GREB1L: variants seen among roughly 807,000 people sequenced by gnomAD.
GREB1L encodes the protein GREB1 like retinoic acid receptor coactivator, also known as GREB1-like protein.
A neutral mutation model predicts 200.8 loss-of-function variants in GREB1L; 17 were observed. The ratio of observed to expected loss-of-function variants is 0.08; its 90% CI spans 0.06 to 0.13. GREB1L has a LOEUF of 0.13. GREB1L is among the 10% of genes least tolerant of loss of function. GREB1L has a pLI of 1.00. For missense variants in GREB1L, 1,657 were observed against 2,367.7 expected, an observed-to-expected ratio of 0.70 and a Z score of 6.23; for synonymous variants, 789 against 893.0, an observed-to-expected ratio of 0.88 and a Z score of 2.08.
intron 18 of GREB1L, among the ~76,000 whole-genome samples, chr18:21,489,134 A>G (rs1238119953): frequency 6.6e-6 from 1 of 152,098 alleles, no homozygotes; most frequent in Non-Finnish European, 1.5e-5. Flanking sequence ...GTAGCACCAA[A>G]AGGAGAGATT....
intron 19 of GREB1L, among the ~76,000 whole-genome samples, chr18:21,491,745 ATCT>A (rs1380134188): frequency 3.9e-5 from 6 of 152,026 alleles, no homozygotes; most frequent in African/African-American, 1.2e-4. Context: ...GGAGATGTAA[ATCT>A]TCTTCTTGTG....
chr18:21,412,841 AC>A (rs34773407), intron 7 of GREB1L, among the ~76,000 whole-genome samples: 3,300 of 145,910 alleles, frequency 0.023, 98 homozygotes, highest in African/African-American at 0.067. Context: ...TGGATTTACC[AC>A]CCCCCCCCAC....
At chr18:21,473,357 G>C in intron 16 of GREB1L, 146 bp downstream of exon 16, 1 of 492,396 alleles carries the variant, frequency 2.0e-6, no homozygotes, top group Non-Finnish European at 3.4e-6. Flanking sequence ...ATCACTTGAG[G>C]TCAGGAGTTA....
intron 5 of GREB1L, among the ~76,000 whole-genome samples, chr18:21,396,106 A>T (rs1240216045): frequency 1.4e-5 from 2 of 142,442 alleles, no homozygotes; most frequent in African/African-American, 5.2e-5. Flanking sequence ...GTGCAGTGGC[A>T]TGATCTCGGC....
intron 1 of GREB1L, among the ~76,000 whole-genome samples, chr18:21,293,024 G>A (rs1037382025): frequency 1.3e-5 from 2 of 152,204 alleles, no homozygotes; most frequent in Non-Finnish European, 2.9e-5. Context: ...GTGGCATCAC[G>A]AAGCAGGGGC....
intron 7 of GREB1L, among the ~76,000 whole-genome samples, chr18:21,428,032 T>C (rs1247716836): frequency 2.0e-5 from 3 of 148,158 alleles, no homozygotes; most frequent in African/African-American, 7.5e-5. Context: ...CTACTAAAAA[T>C]ACAAAAAATT....
chr18:21,451,164 A>T lies in GREB1L; in HGVS notation c.1849+13A>T. On this transcript the variant is annotated intron_variant, in intron 13 of 32. Coordinates refer to ENST00000424526, the MANE Select transcript of GREB1L (RefSeq NM_001142966.3). ...ACCACATCATTAGGTGAGTGGTTGT[A>T]AGATTTGGCAACACTGGCAGCCCCT... 6.4e-7 allele frequency: 1 copy of T among 1,550,802 alleles called. No individual in the cohort carries two copies. Among genetic ancestry groups the T allele is most frequent in the Non-Finnish European group, 8.7e-7 (1 of 1,146,276 alleles).
At chr18:21,413,331 C>T (rs565359225) in intron 7 of GREB1L, among the ~76,000 whole-genome samples, 81 of 152,260 alleles carry the variant, frequency 5.3e-4, no homozygotes, top group African/African-American at 1.8e-3. Flanking sequence ...ATCATTCAAC[C>T]GTCCCTAAGA....
intron 15 of GREB1L, among the ~76,000 whole-genome samples, chr18:21,458,815 T>C (rs1335734729): frequency 6.6e-6 from 1 of 152,194 alleles, no homozygotes; most frequent in Non-Finnish European, 1.5e-5. Flanking sequence ...TTTTATACTA[T>C]AGGAAATTAT....
chr18:21,293,211 T>G (rs1341900015), intron 1 of GREB1L, among the ~76,000 whole-genome samples: 1 of 152,188 alleles, frequency 6.6e-6, no homozygotes, highest in Non-Finnish European at 1.5e-5. Flanking sequence ...TCTGTGCATG[T>G]AAGAGACTGC....
intron 2 of GREB1L, among the ~76,000 whole-genome samples, chr18:21,371,283 G>A (rs1218399659): frequency 6.6e-6 from 1 of 151,892 alleles, no homozygotes; most frequent in East Asian, 1.9e-4. Flanking sequence ...CTCATGATTT[G>A]TATATATGAT....
chr18:21,388,775 A>G (rs1598740080), intron 4 of GREB1L, among the ~76,000 whole-genome samples: 2 of 151,716 alleles, frequency 1.3e-5, no homozygotes, highest in East Asian at 3.9e-4. Context: ...AGTTTCTCAG[A>G]CTTTCCTTGT....
At chr18:21,343,284 T>G (rs2039294673) in intron 1 of GREB1L, among the ~76,000 whole-genome samples, 1 of 152,226 alleles carries the variant, frequency 6.6e-6, no homozygotes, top group South Asian at 2.1e-4. Flanking sequence ...CAACCTTGTA[T>G]CTGATAAAAT....
chr18:21,385,055 ATAACT>A (rs1431201018), intron 4 of GREB1L, among the ~76,000 whole-genome samples: 1 of 152,158 alleles, frequency 6.6e-6, no homozygotes, highest in Non-Finnish European at 1.5e-5. Context: ...TGGTGATATC[ATAACT>A]TAAATTACAC....
chr18:21,453,775 C>G (rs974837028), intron 14 of GREB1L, among the ~76,000 whole-genome samples: 2 of 152,002 alleles, frequency 1.3e-5, no homozygotes, highest in Non-Finnish European at 2.9e-5. Context: ...AAAGTGGAGT[C>G]CAGTGGGAAG....
intron 23 of GREB1L, among the ~76,000 whole-genome samples, chr18:21,504,820 G>C (rs1458517668): frequency 6.6e-6 from 1 of 152,162 alleles, no homozygotes; most frequent in Non-Finnish European, 1.5e-5. Flanking sequence ...AGTGCCTGAA[G>C]GTGTGACGCT....
intron 1 of GREB1L, among the ~76,000 whole-genome samples, chr18:21,305,980 A>G (rs866722846): frequency 1.3e-5 from 2 of 152,266 alleles, no homozygotes; most frequent in Middle Eastern, 3.4e-3. Flanking sequence ...CCTTCCCTGA[A>G]CATCTCATCT....
At chr18:21,254,061 ATTTTTTT>A (rs547876546) in intron 1 of GREB1L, among the ~76,000 whole-genome samples, 1 of 70,426 alleles carries the variant, frequency 1.4e-5, no homozygotes, top group Non-Finnish European at 2.6e-5. Flanking sequence ...TTTCAGGCAT[ATTTTTTT>A]TTTTTTTTTT....
chr18:21,478,998 C>T (rs1402374955), intron 17 of GREB1L, among the ~76,000 whole-genome samples: 1 of 152,192 alleles, frequency 6.6e-6, no homozygotes, highest in African/African-American at 2.4e-5. Context: ...TCTCCTGCCT[C>T]AGCCTCCAGA....
Sources: gnomAD v4.1 joint callset for allele counts (sites outside exome capture counted in the v4.1 genomes callset) on GRCh38, gnomAD v4.1.1 for gene constraint, MANE v1.5 for transcripts, NCBI Gene and HGNC (gene_info 2026-07-23, HGNC 2026-07-21) for gene names.